The following THADA variants were observed in gnomAD, a reference collection of about 807,000 sequenced individuals.
The protein encoded by THADA is tRNA (32-2'-O)-methyltransferase regulator THADA.
In THADA, 213 loss-of-function variants were observed where a neutral mutation model predicts 219.8. The observed-to-expected ratio is 0.97, with a 90% CI of 0.87 to 1.09. The LOEUF (loss-of-function observed/expected upper bound fraction) is 1.09, where lower values mean the gene tolerates loss of function less well. Ranked by LOEUF, THADA falls within the 50% of genes least tolerant of loss-of-function variation. The pLI is 0.00. For missense variants in THADA, 2,956 were observed against 2,311.3 expected (o/e 1.28, Z -5.72); for synonymous variants, 1,018 against 828.9 (o/e 1.23, Z -3.92).
chr2:43,334,850 C>T (rs6711966), intron 30 of THADA, among the ~76,000 whole-genome samples: 40,577 of 151,892 alleles, frequency 0.27, 6,131 homozygotes, highest in African/African-American at 0.41. Context: ...GCCCAGACAA[C>T]GGAGTATGGA....
chr2:43,508,781 C>A lies in THADA; in HGVS notation c.3375-1G>T. The A allele has an allele frequency of 6.2e-7, 1 of 1,612,274 alleles. No homozygotes were observed. Among genetic ancestry groups the A allele is most frequent in the Non-Finnish European group, 8.5e-7 (1 of 1,179,232 alleles). ...CTTTTGCAGACTCACATTTGGGCACCTAAAAGGCATATATAATCAAATATT... is the reference window on the plus strand; with the variant it reads ...CTTTTGCAGACTCACATTTGGGCACATAAAAGGCATATATAATCAAATATT... On this transcript the variant is annotated splice_acceptor_variant, in intron 22 of 37. Coordinates refer to ENST00000405975, the MANE Select transcript of THADA (RefSeq NM_022065.5). LOFTEE classifies it high-confidence loss of function.
At chr2:43,379,786 A>G (rs556284751) in intron 29 of THADA, among the ~76,000 whole-genome samples, 1 of 152,402 alleles carries the variant, frequency 6.6e-6, no homozygotes, top group South Asian at 2.1e-4. Context: ...AGTGGAAACA[A>G]TCAAGATGTC....
chr2:43,240,882 T>C (rs1279777172), intron 36 of THADA, among the ~76,000 whole-genome samples: 1 of 152,156 alleles, frequency 6.6e-6, no homozygotes, highest in African/African-American at 2.4e-5. Context: ...TGGCCAGAGC[T>C]CTCAAGGGCA....
At chr2:43,328,203 G>A (rs1679551346) in intron 30 of THADA, among the ~76,000 whole-genome samples, 1 of 152,188 alleles carries the variant, frequency 6.6e-6, no homozygotes, top group Admixed American at 6.5e-5. Context: ...GCAAAATGGT[G>A]ATGAACTGTA....
intron 31 of THADA, 27 bp from the exon 32 acceptor site, chr2:43,293,240 A>G (rs372501564): frequency 7.6e-6 from 12 of 1,583,076 alleles, no homozygotes; most frequent in Non-Finnish European, 1.0e-5. Flanking sequence ...GCAAAAGGGA[A>G]AGAGATAATC....
At chr2:43,306,997 C>A (rs1019498646) in intron 31 of THADA, among the ~76,000 whole-genome samples, 1 of 152,186 alleles carries the variant, frequency 6.6e-6, no homozygotes, top group Non-Finnish European at 1.5e-5. Context: ...AGTTGAAGAA[C>A]CAAGAGGCCT....
intron 29 of THADA, among the ~76,000 whole-genome samples, chr2:43,381,854 G>A (rs991529085): frequency 1.3e-5 from 2 of 152,098 alleles, no homozygotes; most frequent in African/African-American, 4.8e-5. Flanking sequence ...CAAAGTGCTG[G>A]GATTATGACA....
intron 21 of THADA, among the ~76,000 whole-genome samples, chr2:43,531,436 C>T (rs1693851352): frequency 6.6e-6 from 1 of 152,112 alleles, no homozygotes; most frequent in Admixed American, 6.5e-5. Context: ...GCTGAGTGAC[C>T]TAGAGGTTTC....
chr2:43,362,010 C>T (rs1669577522), intron 29 of THADA, among the ~76,000 whole-genome samples: 2 of 152,202 alleles, frequency 1.3e-5, no homozygotes, highest in South Asian at 4.1e-4. Flanking sequence ...CCCTTTTGGA[C>T]TGCTCTGAGA....
intron 28 of THADA, among the ~76,000 whole-genome samples, chr2:43,425,446 A>ATGTGTGTG (rs70963396): frequency 0.018 from 2,469 of 140,478 alleles, 49 homozygotes; most frequent in African/African-American, 0.041. Context: ...TTAAAATTGT[A>ATGTGTGTG]TGTGTGTGTG....
chr2:43,245,810 T>C (rs1055286963), intron 36 of THADA, among the ~76,000 whole-genome samples: 13 of 152,196 alleles, frequency 8.5e-5, no homozygotes, highest in African/African-American at 3.1e-4. Flanking sequence ...GTGGTGCAGA[T>C]GGTCCTGAGG....
rs1356123112 is a variant in THADA, at chr2:43,577,028, C to T, written c.1031G>A (p.Ser344Asn). 6.2e-7 allele frequency: 1 copy of T among 1,612,340 alleles called. No homozygotes were observed. The highest frequency in any genetic ancestry group is 1.7e-5 in the Admixed American group (1 of 59,734). ...LDTAHVLFTL[S>N]SQIKEPTLEM... Reference sequence around the variant, plus strand: ...CGATAGCATCAAAACTCACTGTGAACTCAAGGTGAACAAAACATGTGCAGT... The same window carrying T: ...CGATAGCATCAAAACTCACTGTGAATTCAAGGTGAACAAAACATGTGCAGT... The change falls in exon 10 of 38, where the codon AGT becomes AAT. Residue 344 changes from serine to asparagine, a missense_variant. Transcript: ENST00000405975.
rs548695356 is a variant in THADA, at chr2:43,570,962, G to A, written c.2065-452C>T. On this transcript the variant is annotated intron_variant, in intron 13 of 37. Coordinates refer to ENST00000405975, the MANE Select transcript of THADA (RefSeq NM_022065.5). ...CAAGGTTGATTTACTACACCAAAAT[G>A]AAAGGCCTTTTGGCCATGTGTGGTG... is the stretch of plus-strand genomic sequence containing the variant. Among the ~76,000 whole-genome samples, 39 of 152,312 alleles carry A rather than the reference G, an allele frequency of 2.6e-4. No homozygotes were observed. The South Asian group carries it at 8.1e-3, about 32-fold the overall frequency.
At chr2:43,281,198 G>A (rs1045638022) in intron 35 of THADA, among the ~76,000 whole-genome samples, 1 of 152,146 alleles carries the variant, frequency 6.6e-6, no homozygotes, top group Non-Finnish European at 1.5e-5. Context: ...AATAATAACA[G>A]TGGCTCCATT....
chr2:43,347,396 AC>A (rs988753535), intron 29 of THADA, among the ~76,000 whole-genome samples: 1 of 152,204 alleles, frequency 6.6e-6, no homozygotes, highest in Non-Finnish European at 1.5e-5. Flanking sequence ...GTCAGAGAAG[AC>A]TTTGCAGAAA....
chr2:43,315,746 C>T (rs879482934), intron 31 of THADA, among the ~76,000 whole-genome samples: 2 of 152,174 alleles, frequency 1.3e-5, no homozygotes, highest in African/African-American at 4.8e-5. Flanking sequence ...GGATTATAGG[C>T]GTGAGCCACT....
chr2:43,512,585 C>T (rs887767656), intron 22 of THADA, among the ~76,000 whole-genome samples: 10 of 152,234 alleles, frequency 6.6e-5, no homozygotes, highest in African/African-American at 2.4e-4. Flanking sequence ...TCACTGCAAC[C>T]TCCGCCTCCC....
chr2:43,456,855 G>C (rs551518975), intron 26 of THADA, among the ~76,000 whole-genome samples: 73 of 152,202 alleles, frequency 4.8e-4, no homozygotes, highest in African/African-American at 1.6e-3. Flanking sequence ...AAGATACTAA[G>C]AGTACACCAG....
intron 14 of THADA, among the ~76,000 whole-genome samples, chr2:43,568,759 T>C (rs1376004857): frequency 6.6e-6 from 1 of 152,024 alleles, no homozygotes; most frequent in Non-Finnish European, 1.5e-5. Context: ...CATAATAATG[T>C]TTAGAATAGG....
Sources: gnomAD v4.1 joint callset for allele counts (sites outside exome capture counted in the v4.1 genomes callset) on GRCh38, gnomAD v4.1.1 for gene constraint, MANE v1.5 for transcripts, NCBI Gene and HGNC (gene_info 2026-07-23, HGNC 2026-07-21) for gene names.